The following MTMR3 variants were observed in gnomAD, a reference collection of about 807,000 sequenced individuals.
MTMR3 encodes myotubularin related protein 3.
In MTMR3, 32 loss-of-function variants were observed where a neutral mutation model predicts 132.4. The observed-to-expected ratio is 0.24, with a 90% CI of 0.18 to 0.32. MTMR3 has a LOEUF of 0.32. MTMR3 is among the 10% of genes least tolerant of loss of function. The probability of loss-of-function intolerance (pLI) is 1.00; values close to 1 mark genes in which losing one functional copy is unlikely to be tolerated. For missense variants in MTMR3, 1,216 were observed against 1,489.6 expected, an observed-to-expected ratio of 0.82 and a Z score of 3.02; for synonymous variants, 556 against 550.3, an observed-to-expected ratio of 1.01 and a Z score of -0.14.
chr22:29,926,323 T>C (rs74418405), intron 1 of MTMR3, among the ~76,000 whole-genome samples: 2,837 of 152,304 alleles, frequency 0.019, 84 homozygotes, highest in African/African-American at 0.064. Flanking sequence ...TATTTTACTA[T>C]TGTGAATACT....
At chr22:29,930,010 C>G (rs1017123618) in intron 1 of MTMR3, among the ~76,000 whole-genome samples, 3 of 152,116 alleles carry the variant, frequency 2.0e-5, no homozygotes, top group African/African-American at 7.2e-5. Flanking sequence ...GTTCCAGACA[C>G]ATAGTCTTTG....
intron 8 of MTMR3, chr22:30,001,759 G>A (rs950571828): frequency 6.6e-6 from 1 of 152,148 alleles, no homozygotes; most frequent in Non-Finnish European, 1.5e-5. Context: ...CTGGCTCCCA[G>A]CTTATTTTTA....
intron 1 of MTMR3, among the ~76,000 whole-genome samples, chr22:29,899,135 G>C (rs1421037775): frequency 1.3e-5 from 2 of 152,140 alleles, no homozygotes; most frequent in Admixed American, 1.3e-4. Flanking sequence ...GAGATGAGGA[G>C]CCTTCAATCC....
At chr22:29,923,958 A>C (rs1043362405) in intron 1 of MTMR3, among the ~76,000 whole-genome samples, 2 of 152,200 alleles carry the variant, frequency 1.3e-5, no homozygotes, top group Middle Eastern at 3.2e-3. Flanking sequence ...ACAGATATGT[A>C]ATTTGCAGGT....
chr22:29,951,891 T>C (rs2066088088), intron 1 of MTMR3, among the ~76,000 whole-genome samples: 1 of 130,952 alleles, frequency 7.6e-6, no homozygotes, highest in South Asian at 3.7e-4. Flanking sequence ...AAGTAAAGGT[T>C]TTTTTTTTTT....
intron 1 of MTMR3, among the ~76,000 whole-genome samples, chr22:29,891,411 C>CATATATATATATGTGTATATATAACAT (rs35113054): frequency 6.7e-6 from 1 of 148,834 alleles, no homozygotes; most frequent in Non-Finnish European, 1.5e-5. Context: ...GTATATATAA[C>CATATATATATATGTGTATATATAACAT]ATATATATAT....
Position 30,028,841 on chromosome 22 carries a change from A to G in MTMR3, c.*3040A>G, listed in dbSNP as rs2067961229. ...GAAATCATTCTTCTGTGGAAGGAGA[A>G]TGTGCCATCTCAGCTACCCTCAGTC... On this transcript the variant is annotated 3_prime_UTR_variant, in exon 20 of 20. Transcript: ENST00000401950. 1 of 152,408 alleles carries G rather than the reference A, an allele frequency of 6.6e-6. No homozygotes were observed. Among genetic ancestry groups the G allele is most frequent in the Admixed American group, 6.5e-5 (1 of 15,290 alleles). 9.4% of individuals were successfully genotyped at this position (152,408 alleles called of 1,614,324 possible).
intron 1 of MTMR3, among the ~76,000 whole-genome samples, chr22:29,891,032 A>T (rs542225630): frequency 7.0e-4 from 107 of 152,236 alleles, no homozygotes; most frequent in Non-Finnish European, 1.0e-3. Flanking sequence ...TCTTTAGAAA[A>T]AAAAAAAAGA....
chr22:29,929,544 C>G (rs1174254787), intron 1 of MTMR3, among the ~76,000 whole-genome samples: 2 of 151,754 alleles, frequency 1.3e-5, no homozygotes, highest in African/African-American at 4.8e-5. Flanking sequence ...GAGTCTTGCT[C>G]TGTCACCCAG....
chr22:29,950,289 G>A (rs1447539172), intron 1 of MTMR3, among the ~76,000 whole-genome samples: 1 of 151,964 alleles, frequency 6.6e-6, no homozygotes, highest in Non-Finnish European at 1.5e-5. Context: ...ATTTAAGTAT[G>A]TCTTTTGTTT....
intron 2 of MTMR3, among the ~76,000 whole-genome samples, chr22:29,968,736 A>T (rs1186297529): frequency 6.6e-6 from 1 of 152,236 alleles, no homozygotes; most frequent in Non-Finnish European, 1.5e-5. Flanking sequence ...GGTGTCCCCA[A>T]AGTCTACAAC....
At chr22:29,970,841 T>C (rs1349330015) in intron 2 of MTMR3, 135 bp from the exon 3 acceptor site, 1 of 416,090 alleles carries the variant, frequency 2.4e-6, no homozygotes, top group Non-Finnish European at 4.2e-6. Context: ...CTTGGCTGAC[T>C]CTGATCAGCT....
intron 2 of MTMR3, among the ~76,000 whole-genome samples, chr22:29,962,420 A>G (rs1325710778): frequency 6.6e-6 from 1 of 152,090 alleles, no homozygotes; most frequent in Non-Finnish European, 1.5e-5. Flanking sequence ...TAATCCCAGC[A>G]GTTTGGGAGG....
At chr22:29,965,418 C>T (rs1228073381) in intron 2 of MTMR3, among the ~76,000 whole-genome samples, 1 of 152,084 alleles carries the variant, frequency 6.6e-6, no homozygotes. Flanking sequence ...TTAGAGTAGG[C>T]CAGGTGTGGT....
intron 1 of MTMR3, among the ~76,000 whole-genome samples, chr22:29,884,380 TA>T (rs2064622830): frequency 6.6e-6 from 1 of 152,088 alleles, no homozygotes; most frequent in Non-Finnish European, 1.5e-5. Context: ...AGATTATTAT[TA>T]TTTTTTTCAA....
At chr22:30,007,341 T>C in intron 10 of MTMR3, 22 bp downstream of exon 10, 2 of 1,608,624 alleles carry the variant, frequency 1.2e-6, no homozygotes, top group Non-Finnish European at 1.7e-6. Flanking sequence ...CCTGGACCCA[T>C]GGCAATGATT....
At chr22:29,948,487 A>G (rs1312320147) in intron 1 of MTMR3, among the ~76,000 whole-genome samples, 2 of 152,190 alleles carry the variant, frequency 1.3e-5, no homozygotes, top group Non-Finnish European at 2.9e-5. Context: ...TTACTTCCAA[A>G]TGTCTTCTAG....
intron 6 of MTMR3, chr22:29,990,695 C>T (rs2066944935): frequency 6.6e-6 from 1 of 152,186 alleles, no homozygotes; most frequent in Non-Finnish European, 1.5e-5. Flanking sequence ...ATTCTCGTGC[C>T]TCAGCCTTCT....
intron 1 of MTMR3, among the ~76,000 whole-genome samples, chr22:29,948,468 T>G (rs36609): frequency 0.74 from 112,398 of 152,062 alleles, 41,681 homozygotes; most frequent in East Asian, 0.91. Context: ...GATATTTTTT[T>G]AGTGTAGTTT....
Sources: allele counts gnomAD v4.1 joint callset (sites outside exome capture counted in the v4.1 genomes callset), GRCh38; gene constraint gnomAD v4.1.1; transcripts MANE v1.5; gene names NCBI Gene and HGNC (gene_info 2026-07-23, HGNC 2026-07-21).